MYOM1: variants seen among roughly 807,000 people sequenced by gnomAD.
MYOM1 encodes the protein myomesin-1.
A neutral mutation model predicts 205.3 loss-of-function variants in MYOM1; 164 were observed. The observed-to-expected ratio is 0.80, with a 90% CI of 0.70 to 0.91. The LOEUF (loss-of-function observed/expected upper bound fraction) is 0.91, where lower values mean the gene tolerates loss of function less well. MYOM1 is among the 40% of genes least tolerant of loss of function. The probability of loss-of-function intolerance (pLI) is 0.00; values close to 1 mark genes in which losing one functional copy is unlikely to be tolerated. For synonymous variants in MYOM1, 772 were observed against 789.4 expected, an observed-to-expected ratio of 0.98 and a Z score of 0.37; for missense variants, 2,011 against 2,127.3, an observed-to-expected ratio of 0.95 and a Z score of 1.08.
chr18:3,087,460 G>A (rs148694314), intron 29 of MYOM1, among the ~76,000 whole-genome samples: 3 of 150,782 alleles, frequency 2.0e-5, no homozygotes, highest in Admixed American at 2.0e-4. Flanking sequence ...GAAGGTCCCA[G>A]TGTGCAAGCT....
chr18:3,177,416 A>T (rs938399097), intron 5 of MYOM1, among the ~76,000 whole-genome samples: 8 of 150,736 alleles, frequency 5.3e-5, no homozygotes, highest in Non-Finnish European at 1.0e-4. Flanking sequence ...CTTCCTGCTA[A>T]CATTCTTGCA....
At position 3,126,418 on chromosome 18, in the gene MYOM1, G is replaced by GA. The variant is rs778427633; in HGVS notation, c.2991+282dup. Among the ~76,000 whole-genome samples, 296 of 148,038 alleles carry GA rather than the reference G, an allele frequency of 2.0e-3. 1 individual carries two copies. The highest frequency in any genetic ancestry group is 6.5e-3 in the African/African-American group (260 of 40,250). On this transcript the variant is annotated intron_variant, in intron 19 of 37. Transcript: ENST00000356443. ...TAATTGTAGATATTTTGTAAGTTTT[G>GA]AAAAAAAAATTAGTTTGTACAGTAA...
At chr18:3,133,655 C>A (rs2079909536) in intron 16 of MYOM1, among the ~76,000 whole-genome samples, 2 of 152,002 alleles carry the variant, frequency 1.3e-5, no homozygotes, top group African/African-American at 4.8e-5. Context: ...TCCTCAGAAT[C>A]TAATATCACG....
chr18:3,132,109 T>G (rs2079885510), intron 16 of MYOM1, among the ~76,000 whole-genome samples: 1 of 67,764 alleles, frequency 1.5e-5, no homozygotes, highest in African/African-American at 6.1e-5. Flanking sequence ...TATTATTATA[T>G]ATGTGTGTGT....
At chr18:3,090,844 T>A (rs771411489) in intron 26 of MYOM1, 42 bp from the exon 27 acceptor site, 24 of 1,609,800 alleles carry the variant, frequency 1.5e-5, no homozygotes, top group Non-Finnish European at 1.9e-5. Flanking sequence ...CACTGAGGCA[T>A]ATATTTTACT....
intron 2 of MYOM1, among the ~76,000 whole-genome samples, chr18:3,208,271 A>T (rs1400795748): frequency 1.3e-5 from 2 of 152,206 alleles, no homozygotes. Context: ...GCACTTTGGG[A>T]TGCCAAGGTG....
At chr18:3,168,765 G>A in intron 9 of MYOM1, 52 bp downstream of exon 9, 1 of 1,589,390 alleles carries the variant, frequency 6.3e-7, no homozygotes, top group Non-Finnish European at 8.6e-7. Context: ...CTGCAATCTG[G>A]TCTACAACCT....
intron 16 of MYOM1, 23 bp downstream of exon 16, chr18:3,134,627 C>T (rs1185759748): frequency 1.3e-6 from 2 of 1,594,454 alleles, no homozygotes; most frequent in Non-Finnish European, 1.7e-6. Context: ...CCATTGCCCG[C>T]CCTGCACACC....
At chr18:3,186,920 GATAAAGAAAA>G (rs1400928083) in intron 5 of MYOM1, among the ~76,000 whole-genome samples, 1 of 129,720 alleles carries the variant, frequency 7.7e-6, no homozygotes, top group Non-Finnish European at 1.7e-5. Flanking sequence ...GAAAGAGGAA[GATAAAGAAAA>G]AGAAAGAAAA....
chr18:3,203,229 G>A (rs189188544), intron 2 of MYOM1, among the ~76,000 whole-genome samples: 52 of 150,484 alleles, frequency 3.5e-4, no homozygotes, highest in African/African-American at 1.3e-3. Context: ...TCCATCATAA[G>A]TAGCTAGAAA....
intron 8 of MYOM1, among the ~76,000 whole-genome samples, 167 bp from the exon 9 acceptor site, chr18:3,169,148 T>C (rs1001624823): frequency 1.3e-5 from 2 of 151,662 alleles, no homozygotes; most frequent in Non-Finnish European, 2.9e-5. Flanking sequence ...ATTTAGAACA[T>C]ATGCATATAT....
chr18:3,082,666 G>A (rs1334739312), intron 33 of MYOM1, among the ~76,000 whole-genome samples: 4 of 152,110 alleles, frequency 2.6e-5, no homozygotes, highest in African/African-American at 9.7e-5. Context: ...TCTTTGCCAG[G>A]CCTCCGTTCT....
chr18:3,112,204 GT>G, intron 22 of MYOM1, 93 bp downstream of exon 22: 1 of 975,940 alleles, frequency 1.0e-6, no homozygotes, highest in South Asian at 1.5e-5. Context: ...CACATTGATT[GT>G]TTTGAAAATT....
At chr18:3,075,588 A>T (rs747500771) in intron 35 of MYOM1, 112 bp from the exon 36 acceptor site, 1 of 1,432,084 alleles carries the variant, frequency 7.0e-7, no homozygotes. Flanking sequence ...GCTGTTCAAT[A>T]TAACAATGGG....
intron 10 of MYOM1, among the ~76,000 whole-genome samples, chr18:3,159,938 T>TTCC (rs2144030605): frequency 1.1e-5 from 1 of 91,238 alleles, no homozygotes; most frequent in African/African-American, 4.0e-5. Context: ...TCCTTCCTTC[T>TTCC]CTCCTTCCCT....
intron 10 of MYOM1, among the ~76,000 whole-genome samples, chr18:3,159,845 C>G (rs1023610473): frequency 2.0e-5 from 3 of 151,906 alleles, no homozygotes; most frequent in African/African-American, 7.3e-5. Context: ...GAGGAGAAAT[C>G]TTTTTGGGGT....
At position 3,131,360 on chromosome 18, in the gene MYOM1, G is replaced by A; in HGVS notation, c.2506+15C>T. 6.2e-7 allele frequency: 1 copy of A among 1,613,394 alleles called. No individual in the cohort carries two copies. Among genetic ancestry groups the A allele is most frequent in the Non-Finnish European group, 8.5e-7 (1 of 1,179,650 alleles). ...ATCCATTTTTCCCCCATACAGTTAT[G>A]CATAAGGAACTTACCAATAGCAGCT... On this transcript the variant is annotated intron_variant, in intron 17 of 37. Coordinates refer to ENST00000356443, the MANE Select transcript of MYOM1 (RefSeq NM_003803.4).
intron 14 of MYOM1, among the ~76,000 whole-genome samples, chr18:3,136,837 A>G (rs563299415): frequency 7.9e-5 from 12 of 152,334 alleles, no homozygotes; most frequent in Non-Finnish European, 1.8e-4. Flanking sequence ...TGTCTCCTCC[A>G]CTGAAGAGCA....
At chr18:3,107,384 T>C (rs1305763529) in intron 22 of MYOM1, among the ~76,000 whole-genome samples, 1 of 152,234 alleles carries the variant, frequency 6.6e-6, no homozygotes, top group Non-Finnish European at 1.5e-5. Flanking sequence ...CCCAAAGTGC[T>C]GGGATTACAG....
Sources: allele counts gnomAD v4.1 joint callset (sites outside exome capture counted in the v4.1 genomes callset), GRCh38; gene constraint gnomAD v4.1.1; transcripts MANE v1.5; gene names NCBI Gene and HGNC (gene_info 2026-07-23, HGNC 2026-07-21).